Variants in ADAMTSL4 observed in about 807,000 individuals in gnomAD.
ADAMTSL4 encodes the protein ADAMTS-like protein 4.
In ADAMTSL4, 97 loss-of-function variants were observed where a neutral mutation model predicts 122.8. The ratio of observed to expected loss-of-function variants is 0.79; its 90% CI spans 0.67 to 0.93. The LOEUF is 0.93. Ranked by LOEUF, ADAMTSL4 falls within the 40% of genes least tolerant of loss-of-function variation. The pLI is 0.00. For missense variants in ADAMTSL4, 1,408 were observed against 1,453.5 expected (o/e 0.97, Z 0.51); for synonymous variants, 592 against 568.0 (o/e 1.04, Z -0.60).
In ADAMTSL4 at chr1:150,556,335, T is replaced by G; in HGVS notation, c.1545T>G (p.Ile515Met). ...CAGCGGGAGCCTTGCGGCTCCAGATTGCCCAGCTCCGGCCTAGCTCCAACT... is the reference window on the plus strand; with the variant it reads ...CAGCGGGAGCCTTGCGGCTCCAGATGGCCCAGCTCCGGCCTAGCTCCAACT... ...WIPAGALRLQ[I>M]AQLRPSSNYL... is the part of the protein sequence containing the mutation. Residue 515 changes from isoleucine to methionine, a missense_variant, in exon 9 of 19, where the codon ATT becomes ATG. Coordinates refer to ENST00000271643, the MANE Select transcript of ADAMTSL4 (RefSeq NM_019032.6). The surrounding 1 kb of genome is among the most constrained non-coding windows in gnomAD (Gnocchi z 4.1). 1 of 1,614,082 alleles carries G rather than the reference T, an allele frequency of 6.2e-7. No individual in the cohort carries two copies. The highest frequency in any genetic ancestry group is 8.5e-7 in the Non-Finnish European group (1 of 1,180,004).
chr1:150,553,405 A>G (rs756757266), intron 5 of ADAMTSL4, 21 bp from the exon 6 acceptor site: 21 of 1,613,318 alleles, frequency 1.3e-5, no homozygotes, highest in Non-Finnish European at 1.8e-5. Flanking sequence ...CTGTGCCCCC[A>G]CATCTGAAAC....
intron 2 of ADAMTSL4, 190 bp downstream of exon 2, chr1:150,550,085 T>A: frequency 5.4e-6 from 2 of 369,242 alleles, no homozygotes; most frequent in South Asian, 4.0e-5. Flanking sequence ...CAGGGAGACC[T>A]GGGGGTGAAG....
intron 2 of ADAMTSL4, chr1:150,551,943 C>A (rs1041627961): frequency 2.9e-6 from 1 of 342,110 alleles, no homozygotes; most frequent in Non-Finnish European, 5.3e-6. Flanking sequence ...TAGAAACAGT[C>A]CCTAGGTAGG....
In ADAMTSL4 at chr1:150,556,030, G is replaced by C; in HGVS notation, c.1372-132G>C. 1.1e-6 allele frequency: 1 copy of C among 904,360 alleles called. No individual in the cohort carries two copies. The highest frequency in any genetic ancestry group is 1.8e-6 in the Non-Finnish European group (1 of 569,372). 56.0% of individuals were successfully genotyped at this position (904,360 alleles called of 1,614,324 possible). ...ATGTCCCTGGGTCTGGCTGGGGATG[G>C]TGGGGCTGTTTTTGTGCTCTCACTT... On this transcript the variant is annotated intron_variant, in intron 8 of 18. Coordinates refer to ENST00000271643, the MANE Select transcript of ADAMTSL4 (RefSeq NM_019032.6). This position sits in a 1 kb window ranked among gnomAD's most constrained non-coding sequence, Gnocchi z 4.1.
rs587593757 is a variant in ADAMTSL4 at position 150,553,112 on chromosome 1, G to A, written c.293G>A (p.Arg98Gln). ...AGACATCCAGAAGCCCTCCTCCCCC[G>A]GGGCCAGGGTCCCAGACCCCAGACT... ...PPRHPEALLP[R>Q]GQGPRPQTSP... The change falls in exon 5 of 19, where the codon CGG (arginine) becomes CAG (glutamine). Residue 98 changes from arginine (R) to glutamine (Q), a missense_variant. Coordinates refer to ENST00000271643, the MANE Select transcript of ADAMTSL4 (RefSeq NM_019032.6). 102 of 1,550,400 alleles carry A rather than the reference G, an allele frequency of 6.6e-5. No individual in the cohort carries two copies. The highest frequency in any genetic ancestry group is 3.5e-4 in the Middle Eastern group (2 of 5,748).
At position 150,559,514 on chromosome 1, in the gene ADAMTSL4, G is replaced by A. The variant is rs587775844; in HGVS notation, c.2943+48G>A. On this transcript the variant is annotated intron_variant, in intron 17 of 18. Transcript: ENST00000271643. The surrounding 1 kb of genome is among the most constrained non-coding windows in gnomAD (Gnocchi z 4.1). ...CTGCCCTGCTCAGCCTGGGCCCCTAGGGGAGGGGAGCTCCTCTCGCTGTAC... is the reference window on the plus strand; with the variant it reads ...CTGCCCTGCTCAGCCTGGGCCCCTAAGGGAGGGGAGCTCCTCTCGCTGTAC... 1.0e-4 allele frequency: 166 copies of A among 1,609,162 alleles called. No individual in the cohort carries two copies. In the South Asian group the frequency reaches 1.7e-3, roughly 16 times the overall value.
At position 150,559,134 on chromosome 1, in the gene ADAMTSL4, C is replaced by T. The variant is rs774626570; in HGVS notation, c.2732C>T (p.Thr911Ile). ...TGCAGCCTGGGGCCCTGTGAGAGAA[C>T]TTGGCGCTGGTACACAGGGCCCTGG... ...RACSLGPCER[T>I]WRWYTGPWGE... Residue 911 changes from threonine to isoleucine, a missense_variant, in exon 16 of 19, where the codon ACT (threonine) becomes ATT (isoleucine). By Grantham distance (89) the Thr-to-Ile change is moderately conservative (BLOSUM62 -1). Coordinates refer to ENST00000271643, the MANE Select transcript of ADAMTSL4 (RefSeq NM_019032.6). The surrounding 1 kb of genome is among the most constrained non-coding windows in gnomAD (Gnocchi z 4.1). The T allele has an allele frequency of 3.1e-6, 5 of 1,612,812 alleles. No individual in the cohort carries two copies. The East Asian group carries it at 1.1e-4, about 36-fold the overall frequency.
At position 150,558,975 on chromosome 1, in the gene ADAMTSL4, G is replaced by A; in HGVS notation, c.2573G>A (p.Cys858Tyr). ...SDWSSKCSAE[C>Y]GTGIQRRSVV... ...CCTCCTCCGCAGTGCTCAGCCGAGTGTGGGACGGGAATCCAGCGGCGCTCT... is the reference window on the plus strand; with the variant it reads ...CCTCCTCCGCAGTGCTCAGCCGAGTATGGGACGGGAATCCAGCGGCGCTCT... Residue 858 changes from cysteine to tyrosine, a missense_variant, in exon 16 of 19, where the codon TGT becomes TAT. Physicochemically the swap from Cys to Tyr is radical, Grantham distance 194 (BLOSUM62 -2). Coordinates refer to ENST00000271643, the MANE Select transcript of ADAMTSL4 (RefSeq NM_019032.6). The A allele has an allele frequency of 6.2e-7, 1 of 1,609,398 alleles. No homozygotes were observed. Among genetic ancestry groups the A allele is most frequent in the Non-Finnish European group, 8.5e-7 (1 of 1,179,072 alleles).
Position 150,550,925 on chromosome 1 carries a change from C to G in ADAMTSL4, c.-85+1030C>G, listed in dbSNP as rs587630363. The G allele has an allele frequency of 6.7e-4, 308 of 456,400 alleles. 3 individuals carry two copies. The highest frequency in any genetic ancestry group is 3.5e-3 in the South Asian group (223 of 64,566). The allele number at this position is 456,400 out of a possible 1,614,324, so 28.3% of individuals were successfully genotyped here. A position where few individuals can be genotyped will look rare whatever the true frequency, so the allele number is the denominator to read the frequency against. ...GGTCATTTTCTGCCCCAGAGCTGGC[C>G]CACCTCAGCAATGCGAGGGCTCCCT... On this transcript the variant is annotated intron_variant, in intron 2 of 18. Coordinates refer to ENST00000271643, the MANE Select transcript of ADAMTSL4 (RefSeq NM_019032.6).
chr1:150,559,540 C>T lies in ADAMTSL4; in HGVS notation c.2943+74C>T, dbSNP rs763220431. On this transcript the variant is annotated intron_variant, in intron 17 of 18. Transcript: ENST00000271643. The surrounding 1 kb of genome is among the most constrained non-coding windows in gnomAD (Gnocchi z 4.1). ...GGGAGGGGAGCTCCTCTCGCTGTAC[C>T]CCCTCCAGGTCTCTCTGTGCCCCAG... 8 of 1,595,702 alleles carry T rather than the reference C, an allele frequency of 5.0e-6. No homozygotes were observed. The highest frequency in any genetic ancestry group is 6.8e-6 in the Non-Finnish European group (8 of 1,171,452).
chr1:150,554,250 A>G lies in ADAMTSL4; in HGVS notation c.1132-115A>G. On this transcript the variant is annotated intron_variant, in intron 6 of 18. Coordinates refer to ENST00000271643, the MANE Select transcript of ADAMTSL4 (RefSeq NM_019032.6). The surrounding 1 kb of genome is among the most constrained non-coding windows in gnomAD (Gnocchi z 4.0). ...CCTTGGCATCTGACCACCTCAGGGC[A>G]GGGGTCTTGGAGCTCTTCCGCTGAC... 5 of 1,435,592 alleles carry G rather than the reference A, an allele frequency of 3.5e-6. No individual in the cohort carries two copies. The highest frequency in any genetic ancestry group is 4.9e-6 in the Non-Finnish European group (5 of 1,028,480). The allele number at this position is 1,435,592 out of a possible 1,614,324, so 88.9% of individuals were successfully genotyped here.
chr1:150,556,755 TC>T lies in ADAMTSL4; in HGVS notation c.1712del (p.Ser571TrpfsTer14). On this transcript the variant is annotated frameshift_variant, in exon 10 of 19. Transcript: ENST00000271643. LOFTEE classifies it high-confidence loss of function. The surrounding 1 kb of genome is among the most constrained non-coding windows in gnomAD (Gnocchi z 4.1). ...GGAGGAGGGCAAAGGGGAGAGTCTG[TC>T]GGCTGAAGGCCCCACCACCCAGCCT... The part of the protein sequence containing the change: ...PREEGKGESL[S>X]AEGPTTQPVD... 6.2e-7 allele frequency: 1 copy of T among 1,613,454 alleles called. No homozygotes were observed.
In ADAMTSL4 at chr1:150,556,222, G is replaced by A. The variant is rs368336114; in HGVS notation, c.1432G>A (p.Gly478Arg). 2.6e-5 allele frequency: 42 copies of A among 1,614,066 alleles called. No individual in the cohort carries two copies. The highest frequency in any genetic ancestry group is 4.5e-5 in the East Asian group (2 of 44,898). ...GCGTCCTGATGGCTGTGGAGTCTGT[G>A]GGGGTGATGATTCTACCTGTCGCCT... is the stretch of plus-strand genomic sequence containing the variant. ...GRRPDGCGVC[G>R]GDDSTCRLVS... Residue 478 changes from glycine to arginine, a missense_variant, in exon 9 of 19, where the codon GGG becomes AGG. Gly to Arg is a moderately radical substitution (Grantham distance 125, BLOSUM62 -2). Coordinates refer to ENST00000271643, the MANE Select transcript of ADAMTSL4 (RefSeq NM_019032.6). This position sits in a 1 kb window ranked among gnomAD's most constrained non-coding sequence, Gnocchi z 4.1.
Position 150,554,130 on chromosome 1 carries a change from T to TCC in ADAMTSL4, c.1131+9_1131+10dup. ...AGAGCCTGCAGCCAAGCGGTGAGTC[T>TCC]CCTCGGGCCTCCCCTCCCAACCCCG... On this transcript the variant is annotated intron_variant, in intron 6 of 18. Coordinates refer to ENST00000271643, the MANE Select transcript of ADAMTSL4 (RefSeq NM_019032.6). The surrounding 1 kb of genome is among the most constrained non-coding windows in gnomAD (Gnocchi z 4.0). The TCC allele has an allele frequency of 6.3e-7, 1 of 1,598,364 alleles. No homozygotes were observed. Among genetic ancestry groups the TCC allele is most frequent in the Non-Finnish European group, 8.5e-7 (1 of 1,179,826 alleles).
intron 8 of ADAMTSL4, 134 bp downstream of exon 8, chr1:150,555,699 G>A (rs587647273): frequency 4.6e-5 from 59 of 1,280,430 alleles, no homozygotes; most frequent in Middle Eastern, 2.5e-4. Context: ...ACGCATATGC[G>A]CACAGACACA....
rs748329853 is a variant in ADAMTSL4 at position 150,553,531 on chromosome 1, A to C, written c.540A>C (p.Arg180Ser). ...RNRRHPRSPPRSELSLISSRG... is the reference protein window; with the variant it reads ...RNRRHPRSPPSSELSLISSRG... ...GCAGGCACCCTCGGAGCCCACCCAG[A>C]TCTGAGCTGTCCCTGATCTCTTCTA... The change falls in exon 6 of 19, where the codon AGA becomes AGC. Residue 180 changes from arginine to serine, a missense_variant. Physicochemically the swap from Arg to Ser is moderately radical, Grantham distance 110. Transcript: ENST00000271643. 1 of 1,613,878 alleles carries C rather than the reference A, an allele frequency of 6.2e-7. No individual in the cohort carries two copies.
chr1:150,558,168 G>C lies in ADAMTSL4; in HGVS notation c.2382+19G>C. 1 of 1,613,114 alleles carries C rather than the reference G, an allele frequency of 6.2e-7. No individual in the cohort carries two copies. The highest frequency in any genetic ancestry group is 8.5e-7 in the Non-Finnish European group (1 of 1,179,850). On this transcript the variant is annotated intron_variant, in intron 14 of 18. Transcript: ENST00000271643. ...GAGCCAGGTGAGTTTGCCCAGGCAA[G>C]GAGGTGCTGGGGAGGGGAATGGGCA...
Position 150,558,158 on chromosome 1 carries a change from G to T in ADAMTSL4, c.2382+9G>T. 1 of 1,613,316 alleles carries T rather than the reference G, an allele frequency of 6.2e-7. No homozygotes were observed. The highest frequency in any genetic ancestry group is 1.3e-5 in the African/African-American group (1 of 75,078). Reference sequence around the variant, plus strand: ...GCTCTCCTTGGAGCCAGGTGAGTTTGCCCAGGCAAGGAGGTGCTGGGGAGG... The same window carrying T: ...GCTCTCCTTGGAGCCAGGTGAGTTTTCCCAGGCAAGGAGGTGCTGGGGAGG... On this transcript the variant is annotated intron_variant, in intron 14 of 18. Transcript: ENST00000271643.
chr1:150,554,336 C>T lies in ADAMTSL4; in HGVS notation c.1132-29C>T, dbSNP rs1214443421. 8 of 1,604,444 alleles carry T rather than the reference C, an allele frequency of 5.0e-6. No individual in the cohort carries two copies. Among genetic ancestry groups the T allele is most frequent in the Admixed American group, 1.7e-5 (1 of 59,968 alleles). On this transcript the variant is annotated intron_variant, in intron 6 of 18. Transcript: ENST00000271643. The surrounding 1 kb of genome is among the most constrained non-coding windows in gnomAD (Gnocchi z 4.0). ...CCCCTACCCTCATTTTGCTCCCCAGCTCTGACTCCTTTGTACCCCTCACCG... is the reference window on the plus strand; with the variant it reads ...CCCCTACCCTCATTTTGCTCCCCAGTTCTGACTCCTTTGTACCCCTCACCG...
Sources: gnomAD v4.1 joint callset for allele counts on GRCh38, gnomAD v4.1.1 for gene constraint, Gnocchi (gnomAD v3.1) non-coding constraint, MANE v1.5 for transcripts, NCBI Gene and HGNC (gene_info 2026-07-23, HGNC 2026-07-21) for gene names.